ADAMTS6: variants seen among roughly 807,000 people sequenced by gnomAD.
ADAMTS6 encodes the protein A disintegrin and metalloproteinase with thrombospondin motifs 6.
ADAMTS6 carries 23 observed loss-of-function variants against 144.3 expected under a neutral mutation model. The ratio of observed to expected loss-of-function variants is 0.16; its 90% confidence interval spans 0.11 to 0.23. The LOEUF (loss-of-function observed/expected upper bound fraction) is 0.23, where lower values mean the gene tolerates loss of function less well. ADAMTS6 is among the 10% of genes least tolerant of loss of function. The pLI is 1.00. For missense variants in ADAMTS6, 999 were observed against 1,379.6 expected (o/e 0.72, Z 4.37); for synonymous variants, 444 against 457.5 (o/e 0.97, Z 0.38).
intron 7 of ADAMTS6, among the ~76,000 whole-genome samples, chr5:65,363,140 T>C (rs1749978334): frequency 6.6e-6 from 1 of 152,316 alleles, no homozygotes; most frequent in African/African-American, 2.4e-5. Flanking sequence ...ACTATAGTTC[T>C]CTGAGTACAT....
chr5:65,223,258 C>T (rs2161558), intron 18 of ADAMTS6, among the ~76,000 whole-genome samples: 97,530 of 152,064 alleles, frequency 0.64, 32,288 homozygotes, highest in African/African-American at 0.81. Flanking sequence ...GATGATTCAA[C>T]ATACATAAAC....
At chr5:65,333,145 G>A (rs1464205257) in intron 8 of ADAMTS6, among the ~76,000 whole-genome samples, 2 of 152,184 alleles carry the variant, frequency 1.3e-5, no homozygotes, top group Non-Finnish European at 2.9e-5. Flanking sequence ...AGAAAATTGA[G>A]ACTTGTCATA....
chr5:65,246,077 T>C (rs2112515307), intron 14 of ADAMTS6, among the ~76,000 whole-genome samples: 1 of 152,256 alleles, frequency 6.6e-6, no homozygotes, highest in East Asian at 1.9e-4. Context: ...TATAATTATC[T>C]CCAAAGCGGT....
intron 7 of ADAMTS6, chr5:65,415,601 G>A (rs1755440555): frequency 2.8e-6 from 1 of 362,968 alleles, no homozygotes; most frequent in South Asian, 2.3e-5. Flanking sequence ...TCTTCTTCCT[G>A]CCCATCAAGG....
At chr5:65,188,290 AAGGCACTTTCACT>A in intron 21 of ADAMTS6, 70 bp from the exon 22 acceptor site, 1 of 1,496,624 alleles carries the variant, frequency 6.7e-7, no homozygotes, top group Non-Finnish European at 9.2e-7. Context: ...TAGCTAAGTG[AAGGCACTTTCACT>A]GATGGACTAC....
At chr5:65,160,170 C>G (rs1752664114) in intron 24 of ADAMTS6, among the ~76,000 whole-genome samples, 1 of 152,152 alleles carries the variant, frequency 6.6e-6, no homozygotes, top group South Asian at 2.1e-4. Context: ...CCTGCCCTGT[C>G]TTGGGGTAGA....
At chr5:65,359,288 C>G (rs1749611827) in intron 7 of ADAMTS6, among the ~76,000 whole-genome samples, 1 of 151,928 alleles carries the variant, frequency 6.6e-6, no homozygotes, top group African/African-American at 2.4e-5. Flanking sequence ...ACACAAATGG[C>G]CAACAAACAT....
intron 1 of ADAMTS6, among the ~76,000 whole-genome samples, chr5:65,474,518 T>C (rs917762529): frequency 1.3e-5 from 2 of 152,078 alleles, no homozygotes; most frequent in Admixed American, 6.6e-5. Context: ...TTGACTTTAC[T>C]CGGAAGTCTT....
intron 20 of ADAMTS6, among the ~76,000 whole-genome samples, chr5:65,205,955 G>C (rs1756057528): frequency 6.6e-6 from 1 of 152,154 alleles, no homozygotes; most frequent in South Asian, 2.1e-4. Flanking sequence ...CTCTTAGCTA[G>C]AAGTACAGAA....
chr5:65,450,255 A>C (rs1290707057), intron 7 of ADAMTS6, among the ~76,000 whole-genome samples: 2 of 152,192 alleles, frequency 1.3e-5, no homozygotes, highest in African/African-American at 4.8e-5. Flanking sequence ...CATGTCATAA[A>C]CCAAATTTTC....
chr5:65,406,779 G>C (rs1279527209), intron 7 of ADAMTS6, among the ~76,000 whole-genome samples: 1 of 151,824 alleles, frequency 6.6e-6, no homozygotes. Flanking sequence ...CTGTGGGTTT[G>C]TCATAAATAG....
chr5:65,463,629 C>T (rs1759787758), intron 3 of ADAMTS6, among the ~76,000 whole-genome samples: 1 of 152,102 alleles, frequency 6.6e-6, no homozygotes, highest in Non-Finnish European at 1.5e-5. Flanking sequence ...AAGCCCAAAC[C>T]TCACCCCCTG....
intron 15 of ADAMTS6, among the ~76,000 whole-genome samples, chr5:65,236,207 T>C (rs1377430365): frequency 1.3e-5 from 2 of 152,226 alleles, no homozygotes; most frequent in African/African-American, 4.8e-5. Context: ...GTTGATCTCA[T>C]AGATATCTAT....
chr5:65,297,875 T>C (rs1170481844), intron 10 of ADAMTS6, among the ~76,000 whole-genome samples: 1 of 152,148 alleles, frequency 6.6e-6, no homozygotes, highest in African/African-American at 2.4e-5. Flanking sequence ...TCATTAATAG[T>C]TTTAACTTTG....
At chr5:65,258,689 A>T (rs1198339437) in intron 14 of ADAMTS6, among the ~76,000 whole-genome samples, 1 of 152,174 alleles carries the variant, frequency 6.6e-6, no homozygotes, top group Non-Finnish European at 1.5e-5. Flanking sequence ...GGATTTCCTG[A>T]GGAATTGGAT....
At position 65,408,963 on chromosome 5, in the gene ADAMTS6, C is replaced by G. The variant is rs1393265871; in HGVS notation, c.1073+42512G>C. On this transcript the variant is annotated intron_variant, in intron 7 of 24. Coordinates refer to ENST00000381055, the MANE Select transcript of ADAMTS6 (RefSeq NM_197941.4). ...TCTTTGAAACCAATGAGAACAAAGA[C>G]ACAACATACCAGAATCTCTGGGAGA... Among the ~76,000 whole-genome samples the G allele has an allele frequency of 2.6e-5, 4 of 152,126 alleles. 1 individual carries two copies. Among genetic ancestry groups the G allele is most frequent in the African/African-American group, 7.2e-5 (3 of 41,424 alleles).
Position 65,481,600 on chromosome 5 carries a change from A to T in ADAMTS6, c.-537T>A, listed in dbSNP as rs1179626982. 6.6e-6 allele frequency: 1 copy of T among 151,828 alleles called. No homozygotes were observed. The highest frequency in any genetic ancestry group is 1.9e-4 in the East Asian group (1 of 5,174). 9.4% of individuals were successfully genotyped at this position (151,828 alleles called of 1,614,324 possible). A position where few individuals can be genotyped will look rare whatever the true frequency, so the allele number is the denominator to read the frequency against. Reference sequence around the variant, plus strand: ...ATGCCTTCAATACATCTAGGCTATCACTCTGAGATGCTGCCTTTGCAAACC... The same window carrying T: ...ATGCCTTCAATACATCTAGGCTATCTCTCTGAGATGCTGCCTTTGCAAACC... On this transcript the variant is annotated 5_prime_UTR_variant, in exon 1 of 25. Coordinates refer to ENST00000381055, the MANE Select transcript of ADAMTS6 (RefSeq NM_197941.4).
chr5:65,372,863 C>G (rs1751101706), intron 7 of ADAMTS6, among the ~76,000 whole-genome samples: 1 of 152,076 alleles, frequency 6.6e-6, no homozygotes, highest in Admixed American at 6.6e-5. Context: ...GGAAGTAAAG[C>G]TCTCCTCAGC....
chr5:65,280,542 C>A (rs998337676), intron 11 of ADAMTS6, among the ~76,000 whole-genome samples: 4 of 152,040 alleles, frequency 2.6e-5, no homozygotes, highest in Non-Finnish European at 4.4e-5. Flanking sequence ...AGAAAGCTTG[C>A]CCGATAGCTT....
Sources: allele counts gnomAD v4.1 joint callset (sites outside exome capture counted in the v4.1 genomes callset), GRCh38; gene constraint gnomAD v4.1.1; transcripts MANE v1.5; gene names NCBI Gene and HGNC (gene_info 2026-07-23, HGNC 2026-07-21).